RTEL1: variants seen among roughly 807,000 people sequenced by gnomAD.
The protein encoded by RTEL1 is regulator of telomere elongation helicase 1, also known as regulator of telomere length.
RTEL1 carries 86 observed loss-of-function variants against 162.2 expected under a neutral mutation model. That is an observed-to-expected ratio of 0.53 (90% CI 0.45 to 0.63). The LOEUF (loss-of-function observed/expected upper bound fraction) is 0.63. Ranked by LOEUF, RTEL1 falls within the 30% of genes least tolerant of loss-of-function variation. RTEL1 has a pLI of 0.00. For synonymous variants in RTEL1, 958 were observed against 717.9 expected, an observed-to-expected ratio of 1.33 and a Z score of -5.35; for missense variants, 1,941 against 1,750.2, an observed-to-expected ratio of 1.11 and a Z score of -1.95.
Position 63,688,002 on chromosome 20 carries a change from T to G in RTEL1, c.1547T>G (p.Val516Gly). 1 of 1,612,592 alleles carries G rather than the reference T, an allele frequency of 6.2e-7. No individual in the cohort carries two copies. Among genetic ancestry groups the G allele is most frequent in the Non-Finnish European group, 8.5e-7 (1 of 1,179,942 alleles). Reference sequence around the variant, plus strand: ...AAGCACCAGATCTGGGTGGGGGTCGTCCCCAGAGGCCCCGATGGAGCCCAG... The same window carrying G: ...AAGCACCAGATCTGGGTGGGGGTCGGCCCCAGAGGCCCCGATGGAGCCCAG... Reference protein sequence around the residue: ...IDKHQIWVGVVPRGPDGAQLS... With the variant: ...IDKHQIWVGVGPRGPDGAQLS... Residue 516 changes from valine (V) to glycine (G), a missense_variant, in exon 18 of 35, where the codon GTC becomes GGC. By Grantham distance (109) the Val-to-Gly change is moderately radical. Coordinates refer to ENST00000360203, the MANE Select transcript of RTEL1 (RefSeq NM_001283009.2).
intron 12 of RTEL1, among the ~76,000 whole-genome samples, chr20:63,678,585 G>GGGACAGCACACACACTCCCAC (rs2090406903): frequency 1.1e-5 from 1 of 87,152 alleles, no homozygotes; most frequent in Non-Finnish European, 2.4e-5. Context: ...ACACACCCAT[G>GGGACAGCACACACACTCCCAC]GAACAGCACA....
chr20:63,660,994 T>A (rs1249023449), intron 2 of RTEL1, among the ~76,000 whole-genome samples: 1 of 152,236 alleles, frequency 6.6e-6, no homozygotes, highest in Non-Finnish European at 1.5e-5. Flanking sequence ...CAGAACAGTT[T>A]CCTATTTTGA....
chr20:63,667,188 G>A lies in RTEL1; in HGVS notation c.615-281G>A, dbSNP rs191407704. ...CTGCGTTGTGTTTGTTTCTATCCAG[G>A]AATAGGGTTGGTTTTACTTTTCCAT... On this transcript the variant is annotated intron_variant, in intron 7 of 34. Coordinates refer to ENST00000360203, the MANE Select transcript of RTEL1 (RefSeq NM_001283009.2). Among the ~76,000 whole-genome samples, 458 of 152,222 alleles carry A rather than the reference G, an allele frequency of 3.0e-3. 3 individuals are homozygous for A. Among genetic ancestry groups the A allele is most frequent in the African/African-American group, 0.01 (419 of 41,538 alleles).
intron 14 of RTEL1, chr20:63,681,848 C>G (rs2088872233): frequency 1.0e-6 from 1 of 985,264 alleles, no homozygotes; most frequent in South Asian, 4.7e-5. Flanking sequence ...CCTCCCAACT[C>G]CTCCCCAAAG....
chr20:63,679,104 G>C (rs2090430851), intron 12 of RTEL1, among the ~76,000 whole-genome samples: 1 of 152,146 alleles, frequency 6.6e-6, no homozygotes, highest in Non-Finnish European at 1.5e-5. Context: ...GGAACGTTCT[G>C]AACGCTCCGT....
At chr20:63,692,285 G>A (rs1436388231) in intron 28 of RTEL1, 2 of 228,054 alleles carry the variant, frequency 8.8e-6, no homozygotes, top group African/African-American at 4.6e-5. Context: ...GCCCAGGCAG[G>A]GCTGGTGCCA....
At chr20:63,663,885 G>A (rs1197156832) in intron 6 of RTEL1, among the ~76,000 whole-genome samples, 3 of 152,326 alleles carry the variant, frequency 2.0e-5, no homozygotes, top group African/African-American at 4.8e-5. Flanking sequence ...CAGAGACTGA[G>A]CCAGGTGGTC....
rs759931400 is a variant in RTEL1 at position 63,694,498 on chromosome 20, T to C, written c.3109+10T>C. ...AGGCCACCCCCAACAGGTAGCTGAC[T>C]CCTGAACCGTGTGCAGCCTACGACT... On this transcript the variant is annotated intron_variant, in intron 31 of 34. Coordinates refer to ENST00000360203, the MANE Select transcript of RTEL1 (RefSeq NM_001283009.2). The C allele has an allele frequency of 1.8e-5, 28 of 1,577,108 alleles. No individual in the cohort carries two copies. The South Asian group carries it at 3.1e-4, about 18-fold the overall frequency.
At chr20:63,692,515 G>A (rs948750879) in intron 28 of RTEL1, 4 of 490,536 alleles carry the variant, frequency 8.2e-6, no homozygotes, top group East Asian at 3.6e-5. Context: ...GGAGAGAGAC[G>A]GGCCATGCAG....
rs778302679 is a variant in RTEL1, at chr20:63,659,391, G to GAACA, written c.-11_-8dup. 17 of 1,608,502 alleles carry GAACA rather than the reference G, an allele frequency of 1.1e-5. No homozygotes were observed. The highest frequency in any genetic ancestry group is 1.2e-5 in the Non-Finnish European group (14 of 1,175,044). On this transcript the variant is annotated 5_prime_UTR_variant, in exon 2 of 35. Coordinates refer to ENST00000360203, the MANE Select transcript of RTEL1 (RefSeq NM_001283009.2). ...TCAGCCACGCTCTGTGCCCTTCTGA[G>GAACA]AACAGGCTGATATGCCCAAGATAGT... is the stretch of plus-strand genomic sequence containing the variant.
At position 63,668,511 on chromosome 20, in the gene RTEL1, C is replaced by T. The variant is rs1321214682; in HGVS notation, c.699+958C>T. 6.6e-6 allele frequency among the ~76,000 whole-genome samples: 1 copy of T among 152,010 alleles called. No individual in the cohort carries two copies. The highest frequency in any genetic ancestry group is 1.9e-4 in the East Asian group (1 of 5,186). ...GGGAGGAGGCGGAGACCGAGCCAAGCGGGCCCAAGTGCGATGTCGGCGGGA... is the reference window on the plus strand; with the variant it reads ...GGGAGGAGGCGGAGACCGAGCCAAGTGGGCCCAAGTGCGATGTCGGCGGGA... On this transcript the variant is annotated intron_variant, in intron 8 of 34. Transcript: ENST00000360203. The surrounding 1 kb of genome is among the most constrained non-coding windows in gnomAD (Gnocchi z 4.3).
rs766197262 is a variant in RTEL1, at chr20:63,678,128, G to C, written c.920-17G>C. On this transcript the variant is annotated splice_polypyrimidine_tract_variant and intron_variant, in intron 10 of 34. Coordinates refer to ENST00000360203, the MANE Select transcript of RTEL1 (RefSeq NM_001283009.2). ...GAGCGTGATGCAGACTGCCTTTGCTGCCTTTCTCTTGCCCAGGGCTGAACA... is the reference window on the plus strand; with the variant it reads ...GAGCGTGATGCAGACTGCCTTTGCTCCCTTTCTCTTGCCCAGGGCTGAACA... 1.4e-5 allele frequency: 22 copies of C among 1,614,052 alleles called. No homozygotes were observed. The Admixed American group carries it at 3.7e-4, about 27-fold the overall frequency.
chr20:63,662,422 C>T, intron 4 of RTEL1, 124 bp from the exon 5 acceptor site: 1 of 1,555,398 alleles, frequency 6.4e-7, no homozygotes, highest in Non-Finnish European at 8.7e-7. Flanking sequence ...GGCCACGTTT[C>T]AGTTATGCTC....
chr20:63,662,782 C>T (rs762117775), intron 5 of RTEL1, 47 bp from the exon 6 acceptor site: 1 of 1,611,004 alleles, frequency 6.2e-7, no homozygotes, highest in Non-Finnish European at 8.5e-7. Flanking sequence ...GGCTTCGGTC[C>T]TTTCTTGGCC....
chr20:63,689,703 C>A (rs1379811281), intron 23 of RTEL1, 47 bp from the exon 24 acceptor site: 1 of 1,604,404 alleles, frequency 6.2e-7, no homozygotes, highest in Admixed American at 1.7e-5. Context: ...TGAGCCCCCG[C>A]CCCGTGGCCA....
At chr20:63,681,469 G>C in intron 14 of RTEL1, 9 of 985,306 alleles carry the variant, frequency 9.1e-6, no homozygotes, top group Non-Finnish European at 1.1e-5. Flanking sequence ...TGTACCTGCT[G>C]GCCACACGAG....
intron 14 of RTEL1, among the ~76,000 whole-genome samples, chr20:63,683,775 A>C (rs1260967773): frequency 3.3e-5 from 5 of 152,026 alleles, no homozygotes; most frequent in African/African-American, 1.2e-4. Flanking sequence ...TTTTCCAGGA[A>C]CGGTCGTCAC....
rs2089975736 is a variant in RTEL1 at position 63,659,520 on chromosome 20, CG to C, written c.102+17del. The C allele has an allele frequency of 1.9e-6, 3 of 1,588,960 alleles. No individual in the cohort carries two copies. The highest frequency in any genetic ancestry group is 1.7e-5 in the Admixed American group (1 of 59,964). ...TCTGCAGCAGGTAGAGCACAGGCCCCGAGGAAAGGACTGCGGGTGGGTGGAG... is the reference window on the plus strand; with the variant it reads ...TCTGCAGCAGGTAGAGCACAGGCCCCAGGAAAGGACTGCGGGTGGGTGGAG... On this transcript the variant is annotated intron_variant, in intron 2 of 34. Transcript: ENST00000360203.
In RTEL1 at chr20:63,688,365, G is replaced by C. The variant is rs1480924155; in HGVS notation, c.1701G>C (p.Glu567Asp). ...TCTTCCCTTCCTATCCTGTCATGGA[G>C]AAGAGCCTGGAGTTCTGGCGGGTGC... ...LIFFPSYPVM[E>D]KSLEFWRARD... is the part of the protein sequence containing the mutation. The change falls in exon 20 of 35, where the codon GAG becomes GAC. Residue 567 changes from glutamate (E) to aspartate (D), a missense_variant. By Grantham distance (45) the Glu-to-Asp change is conservative (BLOSUM62 2). Coordinates refer to ENST00000360203, the MANE Select transcript of RTEL1 (RefSeq NM_001283009.2). The C allele has an allele frequency of 6.2e-7, 1 of 1,612,582 alleles. No homozygotes were observed. Among genetic ancestry groups the C allele is most frequent in the Admixed American group, 1.7e-5 (1 of 60,012 alleles).
Sources: allele counts gnomAD v4.1 joint callset (sites outside exome capture counted in the v4.1 genomes callset), GRCh38; gene constraint gnomAD v4.1.1; non-coding constraint Gnocchi (gnomAD v3.1); transcripts MANE v1.5; gene names NCBI Gene and HGNC (gene_info 2026-07-23, HGNC 2026-07-21).